The following GPRC6A variants were observed in gnomAD, a reference collection of about 807,000 sequenced individuals.
The protein encoded by GPRC6A is G protein-coupled receptor family C group 6 member A.
In GPRC6A, 54 loss-of-function variants were observed where a neutral mutation model predicts 47.0. The ratio of observed to expected loss-of-function variants is 1.15; its 90% CI spans 0.92 to 1.44. The LOEUF (loss-of-function observed/expected upper bound fraction) is 1.44, where lower values mean the gene tolerates loss of function less well. GPRC6A is among the 40% of genes most tolerant of loss of function. The probability of loss-of-function intolerance (pLI) is 0.00; values close to 1 mark genes in which losing one functional copy is unlikely to be tolerated. For synonymous variants in GPRC6A, 347 were observed against 377.1 expected (o/e 0.92, Z 0.93); for missense variants, 1,112 against 1,105.5 (o/e 1.01, Z -0.08).
In GPRC6A at chr6:116,795,704, G is replaced by C; in HGVS notation, c.1672+8C>G. On this transcript the variant is annotated splice_region_variant and intron_variant, in intron 5 of 5. Coordinates refer to ENST00000310357, the MANE Select transcript of GPRC6A (RefSeq NM_148963.4). ...TGATTCAGGTGTATGTGGAGTGACT[G>C]TGATTACCTGTCTGATTAGTGTAAT... 1 of 1,603,784 alleles carries C rather than the reference G, an allele frequency of 6.2e-7. No individual in the cohort carries two copies. The highest frequency in any genetic ancestry group is 8.5e-7 in the Non-Finnish European group (1 of 1,173,320).
intron 3 of GPRC6A, among the ~76,000 whole-genome samples, chr6:116,801,865 A>G (rs1772686495): frequency 6.6e-6 from 1 of 152,132 alleles, no homozygotes; most frequent in South Asian, 2.1e-4. Context: ...GGTGGAATTC[A>G]CTAACAAAAT....
chr6:116,812,873 A>C (rs999001174), intron 1 of GPRC6A, among the ~76,000 whole-genome samples: 6 of 152,164 alleles, frequency 3.9e-5, no homozygotes, highest in African/African-American at 1.4e-4. Context: ...CATCTCAGCC[A>C]AAAATCTCCT....
rs1436682026 is a variant in GPRC6A, at chr6:116,792,995, T to C, written c.1928A>G (p.Asn643Ser). Residue 643 changes from asparagine to serine, a missense_variant, in exon 6 of 6, where the codon AAT becomes AGT. Coordinates refer to ENST00000310357, the MANE Select transcript of GPRC6A (RefSeq NM_148963.4). Reference protein sequence around the residue: ...CYVILLCHFLNFASTSFFIGE... With the variant: ...CYVILLCHFLSFASTSFFIGE... ...AATGAAAAAGCTCGTGCTGGCAAAATTGAGGAAATGACAGAGAAGGATCAC... is the reference window on the plus strand; with the variant it reads ...AATGAAAAAGCTCGTGCTGGCAAAACTGAGGAAATGACAGAGAAGGATCAC... The C allele has an allele frequency of 6.2e-7, 1 of 1,614,064 alleles. No individual in the cohort carries two copies. The highest frequency in any genetic ancestry group is 2.2e-5 in the East Asian group (1 of 44,882).
intron 1 of GPRC6A, 111 bp downstream of exon 1, chr6:116,828,709 A>T (rs11753705): frequency 0.28 from 245,069 of 877,554 alleles, 37,386 homozygotes; most frequent in Non-Finnish European, 0.31. Context: ...TTAAAAATAC[A>T]TATGAGTTTA....
At chr6:116,804,138 AAAAC>A (rs752520171) in intron 3 of GPRC6A, among the ~76,000 whole-genome samples, 6 of 152,204 alleles carry the variant, frequency 3.9e-5, no homozygotes, top group Non-Finnish European at 2.9e-5. Flanking sequence ...GAAGTAAAGG[AAAAC>A]AAACAAACAA....
intron 2 of GPRC6A, among the ~76,000 whole-genome samples, chr6:116,808,361 A>T (rs1772919130): frequency 1.3e-5 from 2 of 152,174 alleles, no homozygotes; most frequent in Non-Finnish European, 2.9e-5. Context: ...TTGTTAAAAA[A>T]GTCTGCTTTC....
chr6:116,818,273 G>A (rs1056074217), intron 1 of GPRC6A, among the ~76,000 whole-genome samples: 34 of 151,870 alleles, frequency 2.2e-4, no homozygotes, highest in South Asian at 4.2e-4. Flanking sequence ...GGTGGCTCAC[G>A]CCTGTAATCC....
chr6:116,806,976 C>A lies in GPRC6A; in HGVS notation c.729G>T (p.Glu243Asp). 1 of 1,613,552 alleles carries A rather than the reference C, an allele frequency of 6.2e-7. No homozygotes were observed. Among genetic ancestry groups the A allele is most frequent in the Non-Finnish European group, 8.5e-7 (1 of 1,179,694 alleles). ...EANNVCIAFK[E>D]VLPAFLSDNT... ...TATCTGAAAGAAAGGCTGGAAGAACCTCTTTGAAGGCTATGCACACGTTAT... is the reference window on the plus strand; with the variant it reads ...TATCTGAAAGAAAGGCTGGAAGAACATCTTTGAAGGCTATGCACACGTTAT... Residue 243 changes from glutamate to aspartate, a missense_variant, in exon 3 of 6, where the codon GAG (glutamate) becomes GAT (aspartate). Physicochemically the swap from Glu to Asp is conservative, Grantham distance 45 (BLOSUM62 2). Coordinates refer to ENST00000310357, the MANE Select transcript of GPRC6A (RefSeq NM_148963.4).
intron 1 of GPRC6A, among the ~76,000 whole-genome samples, chr6:116,814,768 A>C (rs1773150392): frequency 6.6e-6 from 1 of 152,164 alleles, no homozygotes; most frequent in Admixed American, 6.5e-5. Context: ...AAAAGAAAAA[A>C]AAGAGATATA....
At chr6:116,809,147 T>C (rs1423273978) in intron 2 of GPRC6A, among the ~76,000 whole-genome samples, 167 bp downstream of exon 2, 1 of 152,208 alleles carries the variant, frequency 6.6e-6, no homozygotes, top group African/African-American at 2.4e-5. Flanking sequence ...ACTCCCTTAG[T>C]ACTTTTTCAC....
At chr6:116,816,868 C>G (rs1264376801) in intron 1 of GPRC6A, among the ~76,000 whole-genome samples, 1 of 152,222 alleles carries the variant, frequency 6.6e-6, no homozygotes, top group Non-Finnish European at 1.5e-5. Flanking sequence ...ATATCCCGCA[C>G]CTGGCTCAGA....
chr6:116,812,645 AATATTATACT>A (rs1773064674), intron 1 of GPRC6A, among the ~76,000 whole-genome samples: 6 of 152,204 alleles, frequency 3.9e-5, no homozygotes, highest in Non-Finnish European at 8.8e-5. Context: ...ACTGGCTGTC[AATATTATACT>A]AAATGGGCAA....
intron 1 of GPRC6A, among the ~76,000 whole-genome samples, chr6:116,812,217 T>C (rs909202088): frequency 1.3e-5 from 2 of 152,192 alleles, no homozygotes; most frequent in African/African-American, 4.8e-5. Flanking sequence ...TGAGATGATA[T>C]ATTTAAAGTG....
Position 116,809,565 on chromosome 6 carries a change from T to A in GPRC6A, c.247A>T (p.Met83Leu). The A allele has an allele frequency of 6.2e-7, 1 of 1,612,726 alleles. No homozygotes were observed. Among genetic ancestry groups the A allele is most frequent in the Non-Finnish European group, 8.5e-7 (1 of 1,178,910 alleles). Residue 83 changes from methionine to leucine, a missense_variant, in exon 2 of 6, where the codon ATG becomes TTG. Coordinates refer to ENST00000310357, the MANE Select transcript of GPRC6A (RefSeq NM_148963.4). ...GGTAAGAGTGTTGAATTGTTGATCA[T>A]CTCAATGCTGTGTATCATGGCAAGA... ...QTLAMIHSIE[M>L]INNSTLLPGV...
intron 2 of GPRC6A, among the ~76,000 whole-genome samples, chr6:116,808,257 G>A (rs976398189): frequency 6.6e-6 from 1 of 152,064 alleles, no homozygotes; most frequent in Non-Finnish European, 1.5e-5. Context: ...ATTGTTAAGA[G>A]CTGAGCTTTC....
intron 1 of GPRC6A, 88 bp from the exon 2 acceptor site, chr6:116,809,705 C>T: frequency 1.2e-6 from 1 of 816,070 alleles, no homozygotes; most frequent in Non-Finnish European, 2.0e-6. Flanking sequence ...CTCCTCATAG[C>T]AATTTCTGGA....
intron 1 of GPRC6A, among the ~76,000 whole-genome samples, chr6:116,811,275 C>G (rs1606366): frequency 0.31 from 47,727 of 151,946 alleles, 8,070 homozygotes; most frequent in East Asian, 0.53. Context: ...CCAACCAACA[C>G]TATCTATTCA....
At chr6:116,794,653 T>C (rs2114576662) in intron 5 of GPRC6A, among the ~76,000 whole-genome samples, 1 of 152,308 alleles carries the variant, frequency 6.6e-6, no homozygotes, top group East Asian at 1.9e-4. Context: ...CTAGTTACCA[T>C]GTTGCCTGAA....
At chr6:116,799,346 A>G (rs897045500) in intron 4 of GPRC6A, among the ~76,000 whole-genome samples, 3 of 151,950 alleles carry the variant, frequency 2.0e-5, no homozygotes, top group Non-Finnish European at 4.4e-5. Flanking sequence ...AAAGAGGAGC[A>G]GTTCTGAGTC....
Sources: gnomAD v4.1 joint callset for allele counts (sites outside exome capture counted in the v4.1 genomes callset) on GRCh38, gnomAD v4.1.1 for gene constraint, MANE v1.5 for transcripts, NCBI Gene and HGNC (gene_info 2026-07-23, HGNC 2026-07-21) for gene names.